MTUS2: variants seen among roughly 807,000 people sequenced by gnomAD.
MTUS2 encodes the protein microtubule associated scaffold protein 2.
Under a neutral mutation model 114.1 loss-of-function variants are expected in MTUS2, and 40 were observed. The observed-to-expected ratio is 0.35, with a 90% CI of 0.27 to 0.46. The LOEUF (loss-of-function observed/expected upper bound fraction) is 0.46, where lower values mean the gene tolerates loss of function less well. MTUS2 is among the 20% of genes least tolerant of loss of function. The pLI is 1.00. For synonymous variants in MTUS2, 688 were observed against 672.0 expected (o/e 1.02, Z -0.37); for missense variants, 1,679 against 1,705.4 (o/e 0.98, Z 0.27).
chr13:29,223,152 G>A (rs1332423404), intron 5 of MTUS2, among the ~76,000 whole-genome samples: 1 of 152,196 alleles, frequency 6.6e-6, no homozygotes. Context: ...GATAGCCCAA[G>A]GCCTGGGGGC....
chr13:29,298,734 A>T (rs1298678796), intron 6 of MTUS2, among the ~76,000 whole-genome samples: 1 of 152,226 alleles, frequency 6.6e-6, no homozygotes, highest in Non-Finnish European at 1.5e-5. Flanking sequence ...TTCTTACTGT[A>T]GCATATGATA....
intron 6 of MTUS2, among the ~76,000 whole-genome samples, chr13:29,323,572 A>G (rs1900351214): frequency 6.6e-6 from 1 of 152,200 alleles, no homozygotes; most frequent in African/African-American, 2.4e-5. Flanking sequence ...TTTTAAAAAA[A>G]TCTGTAAATA....
chr13:29,394,194 C>T (rs753039681), intron 8 of MTUS2, among the ~76,000 whole-genome samples: 15 of 152,290 alleles, frequency 9.8e-5, no homozygotes, highest in Middle Eastern at 3.4e-3. Flanking sequence ...GCTCGAGGCA[C>T]ACTCTCATAA....
intron 7 of MTUS2, among the ~76,000 whole-genome samples, chr13:29,330,211 G>T (rs1462339248): frequency 6.6e-6 from 1 of 152,038 alleles, no homozygotes; most frequent in African/African-American, 2.4e-5. Flanking sequence ...TTTTTTACAT[G>T]TGTTTGTTGG....
At chr13:29,122,876 T>A (rs1373428713) in intron 5 of MTUS2, among the ~76,000 whole-genome samples, 3 of 152,278 alleles carry the variant, frequency 2.0e-5, no homozygotes, top group Admixed American at 1.3e-4. Context: ...GTCAGAAAAA[T>A]AGATCATTCC....
intron 5 of MTUS2, among the ~76,000 whole-genome samples, chr13:29,104,996 G>T (rs955942429): frequency 3.9e-5 from 6 of 152,174 alleles, no homozygotes; most frequent in African/African-American, 1.4e-4. Flanking sequence ...TATAGGTTGT[G>T]CATCCCAAAT....
At chr13:29,124,416 A>T (rs903057447) in intron 5 of MTUS2, among the ~76,000 whole-genome samples, 1 of 152,054 alleles carries the variant, frequency 6.6e-6, no homozygotes, top group African/African-American at 2.4e-5. Flanking sequence ...ATTTTTTTTA[A>T]AAAGCCCAGA....
intron 1 of MTUS2, among the ~76,000 whole-genome samples, chr13:28,829,785 A>G (rs571124553): frequency 4.6e-5 from 7 of 152,252 alleles, no homozygotes; most frequent in Non-Finnish European, 1.0e-4. Context: ...AGGTTAACCA[A>G]AAAACTTAAA....
chr13:29,414,469 A>T (rs9506180), intron 8 of MTUS2, among the ~76,000 whole-genome samples: 23 of 7,888 alleles, frequency 2.9e-3, no homozygotes, highest in African/African-American at 3.7e-3. Context: ...AAAAAAAATT[A>T]AAAAAAAAAA....
intron 2 of MTUS2, among the ~76,000 whole-genome samples, chr13:28,900,086 C>A (rs1284096007): frequency 6.6e-6 from 1 of 152,128 alleles, no homozygotes; most frequent in African/African-American, 2.4e-5. Context: ...CGGGGTTTCA[C>A]CATGTCGGCC....
At chr13:29,486,731 G>A (rs1402582261) in intron 10 of MTUS2, among the ~76,000 whole-genome samples, 1 of 152,218 alleles carries the variant, frequency 6.6e-6, no homozygotes, top group African/African-American at 2.4e-5. Context: ...AATGGAAGGG[G>A]AAGTTTTGTT....
intron 2 of MTUS2, among the ~76,000 whole-genome samples, chr13:28,945,349 A>G (rs1475691575): frequency 6.6e-6 from 1 of 151,938 alleles, no homozygotes; most frequent in Non-Finnish European, 1.5e-5. Flanking sequence ...AGTAGTGTAG[A>G]GTATTTGGGT....
intron 5 of MTUS2, among the ~76,000 whole-genome samples, chr13:29,148,071 C>T (rs1892508816): frequency 6.6e-6 from 1 of 152,132 alleles, no homozygotes; most frequent in Non-Finnish European, 1.5e-5. Context: ...AGTGTATAAG[C>T]TGTTCCCTTT....
At chr13:29,052,234 C>T (rs1038515070) in intron 4 of MTUS2, among the ~76,000 whole-genome samples, 1 of 152,074 alleles carries the variant, frequency 6.6e-6, no homozygotes, top group African/African-American at 2.4e-5. Flanking sequence ...GTAATCCCAG[C>T]ACTTTGGGAG....
chr13:29,475,513 A>G (rs1177291264), intron 9 of MTUS2, among the ~76,000 whole-genome samples: 2 of 152,222 alleles, frequency 1.3e-5, no homozygotes, highest in Non-Finnish European at 2.9e-5. Context: ...TGACAGCTCC[A>G]TGGATGTTAC....
chr13:28,942,922 T>A (rs1353558557), intron 2 of MTUS2, among the ~76,000 whole-genome samples: 1 of 152,166 alleles, frequency 6.6e-6, no homozygotes, highest in Admixed American at 6.5e-5. Context: ...TTCATTTAAT[T>A]ATTTAATCAT....
chr13:28,861,464 T>C (rs1566182782), intron 2 of MTUS2, among the ~76,000 whole-genome samples: 1 of 148,010 alleles, frequency 6.8e-6, no homozygotes, highest in East Asian at 2.0e-4. Context: ...TTACCCTTAA[T>C]GGTGTTAACA....
At chr13:29,479,766 C>CA (rs2138891082) in intron 9 of MTUS2, among the ~76,000 whole-genome samples, 1 of 152,298 alleles carries the variant, frequency 6.6e-6, no homozygotes, top group South Asian at 2.1e-4. Flanking sequence ...TCTGATTCAC[C>CA]CAGGGCGTAT....
chr13:29,254,589 C>T (rs1404630938), intron 5 of MTUS2, among the ~76,000 whole-genome samples: 2 of 152,228 alleles, frequency 1.3e-5, no homozygotes, highest in Admixed American at 6.5e-5. Context: ...GTTTCATTTG[C>T]ATAGGCAGTG....
Sources: gnomAD v4.1 joint callset for allele counts (sites outside exome capture counted in the v4.1 genomes callset) on GRCh38, gnomAD v4.1.1 for gene constraint, MANE v1.5 for transcripts, NCBI Gene and HGNC (gene_info 2026-07-23, HGNC 2026-07-21) for gene names.